The following TBC1D22A variants were observed in gnomAD, a reference collection of about 807,000 sequenced individuals.
The protein encoded by TBC1D22A is TBC1 domain family member 22A, also known as putative GTPase activator.
In TBC1D22A, 38 loss-of-function variants were observed where a neutral mutation model predicts 60.2. The observed-to-expected ratio is 0.63, with a 90% CI of 0.49 to 0.83. TBC1D22A has a LOEUF of 0.83. Ranked by LOEUF, TBC1D22A falls within the 40% of genes least tolerant of loss-of-function variation. The probability of loss-of-function intolerance (pLI) is 0.00; values close to 1 mark genes in which losing one functional copy is unlikely to be tolerated. For missense variants in TBC1D22A, 628 were observed against 701.0 expected (o/e 0.90, Z 1.18); for synonymous variants, 302 against 281.7 (o/e 1.07, Z -0.72).
At chr22:47,156,170 G>T (rs2067711116) in intron 12 of TBC1D22A, among the ~76,000 whole-genome samples, 1 of 152,210 alleles carries the variant, frequency 6.6e-6, no homozygotes, top group Non-Finnish European at 1.5e-5. Context: ...CATACCCCAT[G>T]GTTTCACAGG....
intron 11 of TBC1D22A, among the ~76,000 whole-genome samples, chr22:47,041,097 C>A (rs899923593): frequency 6.6e-6 from 1 of 152,124 alleles, no homozygotes; most frequent in African/African-American, 2.4e-5. Context: ...TGCTTTTTTT[C>A]TAAGGAAAGG....
At chr22:47,157,377 C>T (rs973632860) in intron 12 of TBC1D22A, among the ~76,000 whole-genome samples, 1 of 152,342 alleles carries the variant, frequency 6.6e-6, no homozygotes, top group African/African-American at 2.4e-5. Flanking sequence ...GACTCTGACA[C>T]CGCACACGTT....
intron 4 of TBC1D22A, among the ~76,000 whole-genome samples, chr22:46,815,678 C>A (rs191905096): frequency 1.3e-5 from 2 of 152,294 alleles, no homozygotes. Flanking sequence ...GTGCTGGGCA[C>A]TGACGATACA....
chr22:47,106,919 G>A (rs59486489), intron 11 of TBC1D22A, among the ~76,000 whole-genome samples: 3 of 152,240 alleles, frequency 2.0e-5, no homozygotes, highest in East Asian at 1.9e-4. Flanking sequence ...GCGACAGAGC[G>A]AGACTCCATC....
At chr22:46,961,198 A>G (rs1452404819) in intron 8 of TBC1D22A, among the ~76,000 whole-genome samples, 2 of 152,146 alleles carry the variant, frequency 1.3e-5, no homozygotes, top group Admixed American at 6.5e-5. Flanking sequence ...GCTTTTGAGT[A>G]AACAGAGATA....
intron 8 of TBC1D22A, among the ~76,000 whole-genome samples, chr22:46,943,865 C>T (rs962982283): frequency 2.6e-5 from 4 of 152,116 alleles, no homozygotes; most frequent in African/African-American, 7.2e-5. Context: ...TGAGGTTCGC[C>T]GGTATTGTAG....
At chr22:46,985,822 C>T (rs136121) in intron 9 of TBC1D22A, among the ~76,000 whole-genome samples, 6,622 of 152,290 alleles carry the variant, frequency 0.043, 194 homozygotes, top group Non-Finnish European at 0.064. Flanking sequence ...TCATTTATTC[C>T]GATTCTGATA....
chr22:46,903,923 C>T lies in TBC1D22A; in HGVS notation c.901-8151C>T, dbSNP rs114431597. 9.2e-3 allele frequency among the ~76,000 whole-genome samples: 1,397 copies of T among 152,224 alleles called. 19 individuals are homozygous for T. Among genetic ancestry groups the T allele is most frequent in the African/African-American group, 0.031 (1,307 of 41,506 alleles). On this transcript the variant is annotated intron_variant, in intron 7 of 12. Coordinates refer to ENST00000337137, the MANE Select transcript of TBC1D22A (RefSeq NM_014346.5). ...CTTGCTGGGCTGCTGCCGAGTGCCC[C>T]GCTGCCCGTGGACGCACCTTCAAGG...
intron 8 of TBC1D22A, among the ~76,000 whole-genome samples, chr22:46,913,089 T>C (rs1161003118): frequency 6.6e-6 from 1 of 152,260 alleles, no homozygotes; most frequent in Non-Finnish European, 1.5e-5. Context: ...TTTTAAGTAC[T>C]GCATATTTTT....
intron 12 of TBC1D22A, among the ~76,000 whole-genome samples, chr22:47,167,146 G>A (rs1287942727): frequency 1.3e-5 from 2 of 152,254 alleles, no homozygotes; most frequent in Non-Finnish European, 2.9e-5. Context: ...GTCTTTGGCT[G>A]ATGGTCCTTT....
At chr22:46,897,337 C>T (rs2068729297) in intron 7 of TBC1D22A, among the ~76,000 whole-genome samples, 1 of 152,038 alleles carries the variant, frequency 6.6e-6, no homozygotes, top group African/African-American at 2.4e-5. Flanking sequence ...AAGTAGTGGC[C>T]CGCTATCAGT....
chr22:47,113,303 T>C (rs894094657), intron 12 of TBC1D22A, among the ~76,000 whole-genome samples: 3 of 152,132 alleles, frequency 2.0e-5, no homozygotes, highest in African/African-American at 7.2e-5. Flanking sequence ...GGGCTGGCCA[T>C]GGAGCTTGGA....
chr22:47,032,922 G>T (rs1055342488), intron 10 of TBC1D22A, among the ~76,000 whole-genome samples: 1 of 152,256 alleles, frequency 6.6e-6, no homozygotes, highest in African/African-American at 2.4e-5. Context: ...GTCCCAGGCT[G>T]CCCTGTGTGG....
chr22:46,983,836 G>T (rs2074609501), intron 9 of TBC1D22A, among the ~76,000 whole-genome samples: 1 of 151,942 alleles, frequency 6.6e-6, no homozygotes, highest in Non-Finnish European at 1.5e-5. Context: ...ATGCTATTTG[G>T]TATTAGTAGC....
chr22:47,168,597 G>A (rs2068297548), intron 12 of TBC1D22A, among the ~76,000 whole-genome samples: 1 of 152,166 alleles, frequency 6.6e-6, no homozygotes, highest in African/African-American at 2.4e-5. Context: ...TTCCCTCGCT[G>A]CTGCCCGTTC....
chr22:46,977,283 A>C (rs550400088), intron 9 of TBC1D22A, among the ~76,000 whole-genome samples: 1 of 152,072 alleles, frequency 6.6e-6, no homozygotes, highest in Admixed American at 6.5e-5. Context: ...TGGAGCCTCA[A>C]TTTGAGATTC....
Position 46,906,279 on chromosome 22 carries a change from G to A in TBC1D22A, c.901-5795G>A, listed in dbSNP as rs529617339. On this transcript the variant is annotated intron_variant, in intron 7 of 12. Coordinates refer to ENST00000337137, the MANE Select transcript of TBC1D22A (RefSeq NM_014346.5). ...TTGGAGGGAGATAAGCAGCCAGAAG[G>A]TGAGTTTAGATCCATAATTACATGG... is the stretch of plus-strand genomic sequence containing the variant. 1.9e-3 allele frequency among the ~76,000 whole-genome samples: 285 copies of A among 152,100 alleles called. 1 individual carries two copies. Among genetic ancestry groups the A allele is most frequent in the African/African-American group, 6.7e-3 (277 of 41,352 alleles).
chr22:46,800,627 A>G (rs2542028), intron 4 of TBC1D22A, among the ~76,000 whole-genome samples: 110,199 of 152,124 alleles, frequency 0.72, 40,036 homozygotes, highest in Middle Eastern at 0.83. Flanking sequence ...TGCGTGATAG[A>G]CATGATGAAA....
Position 47,077,027 on chromosome 22 carries a change from T to G in TBC1D22A, c.1330-34481T>G, listed in dbSNP as rs535823191. On this transcript the variant is annotated intron_variant, in intron 11 of 12. Transcript: ENST00000337137. ...AAGGATGCATCCTGAGTATTGCCTG[T>G]ACTTCTGCCTGCGTATTATTGGCAA... Among the ~76,000 whole-genome samples, 3 of 152,336 alleles carry G rather than the reference T, an allele frequency of 2.0e-5. No homozygotes were observed. The South Asian group carries it at 6.2e-4, about 32-fold the overall frequency.
Sources: allele counts gnomAD v4.1 joint callset (sites outside exome capture counted in the v4.1 genomes callset), GRCh38; gene constraint gnomAD v4.1.1; transcripts MANE v1.5; gene names NCBI Gene and HGNC (gene_info 2026-07-23, HGNC 2026-07-21).